Variants in TCF7L1 observed in about 807,000 individuals in gnomAD.
The protein encoded by TCF7L1 is transcription factor 7-like 1.
TCF7L1 carries 18 observed loss-of-function variants against 63.7 expected under a neutral mutation model. That is an observed-to-expected ratio of 0.28 (90% CI 0.20 to 0.42). TCF7L1 has a LOEUF of 0.42. Among genes scored for constraint, TCF7L1 ranks in the 10% least tolerant of loss-of-function variants. TCF7L1 has a pLI of 1.00. For missense variants in TCF7L1, 654 were observed against 779.3 expected (o/e 0.84, Z 1.91); for synonymous variants, 355 against 340.9 (o/e 1.04, Z -0.46).
At position 85,172,428 on chromosome 2, in the gene TCF7L1, CTTGT is replaced by C. The variant is rs1311844522; in HGVS notation, c.441+37986_441+37989del. Reference sequence around the variant, plus strand: ...CTGTGCCTCCTTCACCTAGAACATTCTTGTTTGTTTGATTGTTTGAGACAGTCTC... The same window carrying C: ...CTGTGCCTCCTTCACCTAGAACATTCTTGTTTGATTGTTTGAGACAGTCTC... On this transcript the variant is annotated intron_variant, in intron 3 of 11. Transcript: ENST00000282111. Among the ~76,000 whole-genome samples, 3 of 152,300 alleles carry C rather than the reference CTTGT, an allele frequency of 2.0e-5. No homozygotes were observed. In the South Asian group the frequency reaches 6.2e-4, roughly 32 times the overall value.
intron 4 of TCF7L1, among the ~76,000 whole-genome samples, chr2:85,298,191 C>CAAAAAAAAAAAAAAAAAAAAA (rs759348807): frequency 4.5e-5 from 2 of 44,730 alleles, no homozygotes; most frequent in Non-Finnish European, 7.0e-5. Flanking sequence ...GACTCCATCT[C>CAAAAAAAAAAAAAAAAAAAAA]AAAAAAAAAA....
Position 85,133,998 on chromosome 2 carries a change from T to G in TCF7L1, c.250-18T>G, listed in dbSNP as rs750311793. ...CTGCGTCCGCTCACCCGCTCTTGCC[T>G]TTGTGTCTCCTCCGCAGGCGGAGAG... is the stretch of plus-strand genomic sequence containing the variant. On this transcript the variant is annotated intron_variant, in intron 1 of 11. Transcript: ENST00000282111. The surrounding 1 kb of genome is among the most constrained non-coding windows in gnomAD (Gnocchi z 4.4). The G allele has an allele frequency of 6.2e-7, 1 of 1,608,158 alleles. No homozygotes were observed. Among genetic ancestry groups the G allele is most frequent in the Admixed American group, 1.7e-5 (1 of 59,632 alleles).
At chr2:85,230,362 T>C (rs1260403274) in intron 3 of TCF7L1, among the ~76,000 whole-genome samples, 1 of 152,198 alleles carries the variant, frequency 6.6e-6, no homozygotes, top group African/African-American at 2.4e-5. Context: ...AGACAGAGTT[T>C]CACTCTTGTT....
At chr2:85,261,523 A>G (rs1680857377) in intron 3 of TCF7L1, among the ~76,000 whole-genome samples, 1 of 152,250 alleles carries the variant, frequency 6.6e-6, no homozygotes, top group African/African-American at 2.4e-5. Flanking sequence ...AAGGTTGTTA[A>G]GGACAAGAAG....
rs1015782345 is a variant in TCF7L1, at chr2:85,140,671, G to A, written c.441+6221G>A. 2.0e-5 allele frequency among the ~76,000 whole-genome samples: 3 copies of A among 152,138 alleles called. No homozygotes were observed. In the South Asian group the frequency reaches 6.2e-4, roughly 31 times the overall value. On this transcript the variant is annotated intron_variant, in intron 3 of 11. Coordinates refer to ENST00000282111, the MANE Select transcript of TCF7L1 (RefSeq NM_031283.3). ...AGAAATCAGCTGGGCGTGGTGGCAG[G>A]TGCCTGTAATCCCGGGTACTCAGGA...
chr2:85,272,435 C>G (rs1274076247), intron 3 of TCF7L1, among the ~76,000 whole-genome samples: 2 of 152,168 alleles, frequency 1.3e-5, no homozygotes, highest in Non-Finnish European at 2.9e-5. Context: ...GGTGACTATG[C>G]TTCCAGATTA....
intron 3 of TCF7L1, among the ~76,000 whole-genome samples, chr2:85,147,928 G>C (rs1677920938): frequency 6.6e-6 from 1 of 152,102 alleles, no homozygotes; most frequent in Admixed American, 6.5e-5. Flanking sequence ...ACCATCATAG[G>C]TTAGGGACTG....
intron 3 of TCF7L1, among the ~76,000 whole-genome samples, chr2:85,204,734 T>C (rs905583246): frequency 2.6e-5 from 4 of 152,144 alleles, no homozygotes; most frequent in Non-Finnish European, 4.4e-5. Flanking sequence ...AAAGGCTTTG[T>C]GAAATTACAC....
intron 3 of TCF7L1, among the ~76,000 whole-genome samples, chr2:85,194,259 G>C (rs1471311141): frequency 2.0e-5 from 3 of 152,194 alleles, no homozygotes; most frequent in Non-Finnish European, 4.4e-5. Flanking sequence ...CAGGAGTGGT[G>C]GCTCACACCT....
intron 3 of TCF7L1, among the ~76,000 whole-genome samples, chr2:85,239,306 G>A (rs1355761647): frequency 6.6e-6 from 1 of 152,058 alleles, no homozygotes; most frequent in Admixed American, 6.6e-5. Flanking sequence ...CTCTGCTGCT[G>A]TGAGGGTTGC....
chr2:85,223,766 T>G (rs1679898418), intron 3 of TCF7L1, among the ~76,000 whole-genome samples: 1 of 152,214 alleles, frequency 6.6e-6, no homozygotes, highest in African/African-American at 2.4e-5. Flanking sequence ...ATGAGGTATG[T>G]GCTTGCTGTT....
At chr2:85,266,155 T>C (rs369444124) in intron 3 of TCF7L1, among the ~76,000 whole-genome samples, 4 of 152,252 alleles carry the variant, frequency 2.6e-5, no homozygotes, top group African/African-American at 9.6e-5. Context: ...GATATCATAA[T>C]TGCAGCATAA....
At chr2:85,245,348 C>T (rs1021123551) in intron 3 of TCF7L1, among the ~76,000 whole-genome samples, 1 of 152,214 alleles carries the variant, frequency 6.6e-6, no homozygotes, top group African/African-American at 2.4e-5. Flanking sequence ...GATGGAGGGC[C>T]GAAGGCAAGC....
At chr2:85,298,696 C>T (rs1266785479) in intron 4 of TCF7L1, among the ~76,000 whole-genome samples, 1 of 148,726 alleles carries the variant, frequency 6.7e-6, no homozygotes, top group Non-Finnish European at 1.5e-5. Flanking sequence ...GATTCAGCTT[C>T]CTGGCCATGC....
rs187554900 is a variant in TCF7L1, at chr2:85,190,415, A to G, written c.441+55965A>G. On this transcript the variant is annotated intron_variant, in intron 3 of 11. Transcript: ENST00000282111. ...GAATTTGAGAGGCTGAGTAAGGAGC[A>G]CCATAGGCCTCTGCAGAGGCCAGTC... 2.2e-3 allele frequency among the ~76,000 whole-genome samples: 334 copies of G among 152,314 alleles called. 4 individuals are homozygous for G. Among genetic ancestry groups the G allele is most frequent in the African/African-American group, 7.8e-3 (324 of 41,562 alleles).
chr2:85,220,748 A>G (rs1353209518), intron 3 of TCF7L1, among the ~76,000 whole-genome samples: 1 of 152,222 alleles, frequency 6.6e-6, no homozygotes, highest in Non-Finnish European at 1.5e-5. Context: ...TAAATAATTT[A>G]GTTTTCCTTT....
intron 3 of TCF7L1, among the ~76,000 whole-genome samples, chr2:85,273,799 G>A (rs1224520685): frequency 2.0e-5 from 3 of 152,212 alleles, no homozygotes; most frequent in East Asian, 1.9e-4. Flanking sequence ...GGAGGAGGCA[G>A]CTCTGTGGGG....
At chr2:85,273,600 A>G (rs908956080) in intron 3 of TCF7L1, among the ~76,000 whole-genome samples, 1 of 152,204 alleles carries the variant, frequency 6.6e-6, no homozygotes. Flanking sequence ...AACACTCCTC[A>G]GAACTTAAGT....
chr2:85,178,381 A>G (rs1487556106), intron 3 of TCF7L1, among the ~76,000 whole-genome samples: 1 of 152,116 alleles, frequency 6.6e-6, no homozygotes, highest in Non-Finnish European at 1.5e-5. Flanking sequence ...TCTTTGCCTG[A>G]GTCATACATG....
Sources: gnomAD v4.1 joint callset for allele counts (sites outside exome capture counted in the v4.1 genomes callset) on GRCh38, gnomAD v4.1.1 for gene constraint, Gnocchi (gnomAD v3.1) non-coding constraint, MANE v1.5 for transcripts, NCBI Gene and HGNC (gene_info 2026-07-23, HGNC 2026-07-21) for gene names.